Variants in GRIK2 observed in about 807,000 individuals in gnomAD.
The protein encoded by GRIK2 is glutamate ionotropic receptor kainate type subunit 2, also known as glutamate receptor ionotropic, kainate 2.
A neutral mutation model predicts 100.3 loss-of-function variants in GRIK2; 32 were observed. The ratio of observed to expected loss-of-function variants is 0.32; its 90% confidence interval spans 0.24 to 0.43. The LOEUF is 0.43. Ranked by LOEUF, GRIK2 falls within the 20% of genes least tolerant of loss-of-function variation. GRIK2 has a pLI of 1.00. For missense variants in GRIK2, 843 were observed against 1,114.9 expected (o/e 0.76, Z 3.47); for synonymous variants, 417 against 389.4 (o/e 1.07, Z -0.83).
At chr6:102,042,458 C>CTGT (rs1326480417) in intron 15 of GRIK2, among the ~76,000 whole-genome samples, 1 of 151,376 alleles carries the variant, frequency 6.6e-6, no homozygotes, top group African/African-American at 2.4e-5. Context: ...AAACAAATAC[C>CTGT]TGTTATTAGT....
intron 2 of GRIK2, among the ~76,000 whole-genome samples, chr6:101,566,227 G>A (rs6905321): frequency 0.21 from 32,285 of 151,294 alleles, 3,779 homozygotes; most frequent in East Asian, 0.45. Flanking sequence ...CTTCTTAAAT[G>A]AAGCCAATTT....
intron 14 of GRIK2, among the ~76,000 whole-genome samples, chr6:101,987,745 T>C (rs1283551897): frequency 6.6e-6 from 1 of 151,374 alleles, no homozygotes; most frequent in East Asian, 1.9e-4. Context: ...AAACTAGTAA[T>C]TATAGATTTG....
chr6:101,609,370 T>A (rs1262293318), intron 2 of GRIK2, among the ~76,000 whole-genome samples: 1 of 151,856 alleles, frequency 6.6e-6, no homozygotes, highest in Admixed American at 6.6e-5. Flanking sequence ...TAAGAATTTT[T>A]AAAATAAATT....
intron 2 of GRIK2, among the ~76,000 whole-genome samples, chr6:101,596,567 T>G (rs567600767): frequency 1.1e-3 from 162 of 151,780 alleles, no homozygotes; most frequent in African/African-American, 3.8e-3. Context: ...TGAATGAAAT[T>G]TATAATTTGG....
chr6:101,746,879 G>C (rs1003980586), intron 7 of GRIK2, among the ~76,000 whole-genome samples: 2 of 152,060 alleles, frequency 1.3e-5, no homozygotes, highest in African/African-American at 4.8e-5. Flanking sequence ...GAGGACAAAG[G>C]TATTTTCTGT....
chr6:101,608,881 G>A (rs906821441), intron 2 of GRIK2, among the ~76,000 whole-genome samples: 1 of 151,298 alleles, frequency 6.6e-6, no homozygotes, highest in African/African-American at 2.4e-5. Flanking sequence ...GTCTACAGTT[G>A]GGTCATTTCA....
intron 4 of GRIK2, among the ~76,000 whole-genome samples, chr6:101,646,934 T>A (rs911744283): frequency 6.6e-6 from 1 of 151,838 alleles, no homozygotes; most frequent in South Asian, 2.1e-4. Context: ...GAGGTAAACA[T>A]AATAATCATC....
At chr6:101,747,491 G>A (rs1291407604) in intron 7 of GRIK2, among the ~76,000 whole-genome samples, 2 of 152,116 alleles carry the variant, frequency 1.3e-5, no homozygotes, top group Non-Finnish European at 2.9e-5. Flanking sequence ...CAATTAGATA[G>A]CCTTCATTCT....
At chr6:101,770,424 C>T (rs888199757) in intron 7 of GRIK2, among the ~76,000 whole-genome samples, 1 of 152,136 alleles carries the variant, frequency 6.6e-6, no homozygotes, top group Non-Finnish European at 1.5e-5. Context: ...ACCTACTGCT[C>T]TTTGTCTTCT....
At chr6:101,466,404 T>C (rs1771647070) in intron 2 of GRIK2, among the ~76,000 whole-genome samples, 1 of 151,874 alleles carries the variant, frequency 6.6e-6, no homozygotes, top group Non-Finnish European at 1.5e-5. Context: ...TCAGGAACAT[T>C]TCAATGAGCT....
chr6:101,850,743 T>C (rs762265737), intron 10 of GRIK2, among the ~76,000 whole-genome samples: 1 of 152,052 alleles, frequency 6.6e-6, no homozygotes, highest in Non-Finnish European at 1.5e-5. Flanking sequence ...CAAATCCTTA[T>C]TACAGATGCC....
chr6:101,796,886 A>C (rs959886011), intron 7 of GRIK2, among the ~76,000 whole-genome samples: 1 of 152,120 alleles, frequency 6.6e-6, no homozygotes, highest in African/African-American at 2.4e-5. Context: ...AATTTTTATA[A>C]TTGTACTTAA....
chr6:101,997,649 T>C (rs558466231), intron 14 of GRIK2, among the ~76,000 whole-genome samples: 1 of 152,186 alleles, frequency 6.6e-6, no homozygotes, highest in East Asian at 1.9e-4. Context: ...GTGGTGCCAG[T>C]TAATGTGTCA....
intron 9 of GRIK2, among the ~76,000 whole-genome samples, chr6:101,805,738 G>C (rs1304059269): frequency 2.0e-5 from 3 of 152,030 alleles, no homozygotes; most frequent in Non-Finnish European, 4.4e-5. Context: ...GTGCTGAAAA[G>C]AAGGTCATTT....
At chr6:101,648,685 C>T (rs567651280) in intron 4 of GRIK2, among the ~76,000 whole-genome samples, 14 of 151,908 alleles carry the variant, frequency 9.2e-5, no homozygotes, top group Non-Finnish European at 1.5e-4. Context: ...CCCTTGATTT[C>T]ATTTATTTAT....
chr6:101,623,918 C>T (rs955270950), intron 3 of GRIK2, among the ~76,000 whole-genome samples: 1 of 151,658 alleles, frequency 6.6e-6, no homozygotes, highest in Admixed American at 6.6e-5. Context: ...TATAACAGAG[C>T]CAATATTTTT....
intron 7 of GRIK2, among the ~76,000 whole-genome samples, chr6:101,723,667 A>G (rs182424242): frequency 6.6e-6 from 1 of 152,156 alleles, no homozygotes; most frequent in Admixed American, 6.6e-5. Context: ...TAACAACTAA[A>G]CTGGTTAATG....
At chr6:101,940,694 G>A (rs1222236337) in intron 14 of GRIK2, among the ~76,000 whole-genome samples, 2 of 151,938 alleles carry the variant, frequency 1.3e-5, no homozygotes, top group African/African-American at 4.8e-5. Flanking sequence ...CACAAACTTC[G>A]AAAGTATCAA....
At chr6:101,923,136 A>T (rs371766122) in intron 12 of GRIK2, among the ~76,000 whole-genome samples, 1 of 152,150 alleles carries the variant, frequency 6.6e-6, no homozygotes, top group African/African-American at 2.4e-5. Context: ...GATGAAAATG[A>T]TTTGTTTAAT....
Sources: allele counts gnomAD v4.1 joint callset (sites outside exome capture counted in the v4.1 genomes callset), GRCh38; gene constraint gnomAD v4.1.1; transcripts MANE v1.5; gene names NCBI Gene and HGNC (gene_info 2026-07-23, HGNC 2026-07-21).